The following SNX29 variants were observed in gnomAD, a reference collection of about 807,000 sequenced individuals.
SNX29 encodes the protein sorting nexin-29.
Under a neutral mutation model 102.1 loss-of-function variants are expected in SNX29, and 78 were observed. The ratio of observed to expected loss-of-function variants is 0.76; its 90% CI spans 0.64 to 0.92. SNX29 has a LOEUF of 0.92. SNX29 is among the 40% of genes least tolerant of loss of function. SNX29 has a pLI of 0.00. For synonymous variants in SNX29, 580 were observed against 414.5 expected (o/e 1.40, Z -4.85); for missense variants, 1,280 against 1,061.7 (o/e 1.21, Z -2.86).
intron 14 of SNX29, among the ~76,000 whole-genome samples, chr16:12,217,178 T>C (rs573404199): frequency 3.9e-5 from 6 of 152,264 alleles, no homozygotes; most frequent in African/African-American, 1.4e-4. Flanking sequence ...ATAGCACACC[T>C]GGATAATTTT....
rs147401267 is a variant in SNX29 at position 12,571,075 on chromosome 16, T to C, written c.*2446T>C. 4,073 of 232,614 alleles carry C rather than the reference T, an allele frequency of 0.018. 45 individuals carry two copies. Among genetic ancestry groups the C allele is most frequent in the Non-Finnish European group, 0.025 (2,915 of 117,648 alleles). 14.4% of individuals were successfully genotyped at this position (232,614 alleles called of 1,614,324 possible). A position where few individuals can be genotyped will look rare whatever the true frequency, so the allele number is the denominator to read the frequency against. ...TCTAAAAATGCTGGTGGCCCGCACA[T>C]GACAGCAACTCCCCGAAGCCTTCCC... is the stretch of plus-strand genomic sequence containing the variant. On this transcript the variant is annotated 3_prime_UTR_variant, in exon 21 of 21. Coordinates refer to ENST00000566228, the MANE Select transcript of SNX29 (RefSeq NM_032167.5).
intron 13 of SNX29, among the ~76,000 whole-genome samples, chr16:12,173,361 A>G (rs1567277212): frequency 6.6e-6 from 1 of 152,326 alleles, no homozygotes; most frequent in East Asian, 1.9e-4. Flanking sequence ...AGAATGACCC[A>G]GTTTGTGTGA....
intron 13 of SNX29, among the ~76,000 whole-genome samples, chr16:12,139,919 T>C (rs977837777): frequency 2.3e-5 from 3 of 132,764 alleles, no homozygotes; most frequent in African/African-American, 8.7e-5. Flanking sequence ...AGGTCAAGGC[T>C]GCAGTGAGCT....
At chr16:12,498,839 T>C (rs1254940097) in intron 19 of SNX29, among the ~76,000 whole-genome samples, 3 of 152,184 alleles carry the variant, frequency 2.0e-5, no homozygotes. Flanking sequence ...GTAAAATTGC[T>C]CAGTTCTGCT....
At chr16:12,522,725 A>G (rs1459754712) in intron 19 of SNX29, among the ~76,000 whole-genome samples, 1 of 152,122 alleles carries the variant, frequency 6.6e-6, no homozygotes, top group African/African-American at 2.4e-5. Context: ...ATCCCCCACC[A>G]TGTTTCCTGT....
At position 12,573,020 on chromosome 16, in the gene SNX29, T is replaced by G; in HGVS notation, c.*4391T>G. The G allele has an allele frequency of 3.5e-6, 1 of 285,350 alleles. No homozygotes were observed. Among genetic ancestry groups the G allele is most frequent in the Non-Finnish European group, 6.0e-6 (1 of 166,688 alleles). 17.7% of individuals were successfully genotyped at this position (285,350 alleles called of 1,614,324 possible). On this transcript the variant is annotated 3_prime_UTR_variant, in exon 21 of 21. Coordinates refer to ENST00000566228, the MANE Select transcript of SNX29 (RefSeq NM_032167.5). ...AGCTACTGTTAAATATTTGCTGTTT[T>G]TAGATTGGCGTCCGTGCTAATTCTG... is the stretch of plus-strand genomic sequence containing the variant.
intron 20 of SNX29, chr16:12,545,351 C>T (rs1047147048): frequency 3.2e-4 from 48 of 152,300 alleles, no homozygotes; most frequent in African/African-American, 1.1e-3. Flanking sequence ...GTTCCAAGTA[C>T]ATACAGAGTG....
Position 12,187,138 on chromosome 16 carries a change from G to A in SNX29, c.1596-12463G>A, listed in dbSNP as rs577665772. Among the ~76,000 whole-genome samples, 8 of 152,354 alleles carry A rather than the reference G, an allele frequency of 5.3e-5. No individual in the cohort carries two copies. In the East Asian group the frequency reaches 1.5e-3, roughly 29 times the overall value. ...CCTGTCTGCCTGGTTTTGAGTCCTG[G>A]ACAATGGGCACACATTCTCTACTTT... is the stretch of plus-strand genomic sequence containing the variant. On this transcript the variant is annotated intron_variant, in intron 13 of 20. Coordinates refer to ENST00000566228, the MANE Select transcript of SNX29 (RefSeq NM_032167.5).
At chr16:12,008,658 G>A (rs751181423) in intron 3 of SNX29, among the ~76,000 whole-genome samples, 1 of 151,828 alleles carries the variant, frequency 6.6e-6, no homozygotes, top group African/African-American at 2.4e-5. Context: ...TTAAAAGAGT[G>A]TGCAGATATC....
chr16:12,247,040 G>A lies in SNX29; in HGVS notation c.1679-30893G>A, dbSNP rs573834438. ...GGGAGCAGGGCCTTGTAGGTCCCTGGAAAGGTTTGATCTTTATCCTAAGAA... is the reference window on the plus strand; with the variant it reads ...GGGAGCAGGGCCTTGTAGGTCCCTGAAAAGGTTTGATCTTTATCCTAAGAA... On this transcript the variant is annotated intron_variant, in intron 14 of 20. Transcript: ENST00000566228. 3.9e-5 allele frequency among the ~76,000 whole-genome samples: 6 copies of A among 152,286 alleles called. No individual in the cohort carries two copies. The East Asian group carries it at 9.7e-4, about 25-fold the overall frequency.
chr16:12,372,892 A>T (rs1401201690), intron 16 of SNX29: 4 of 152,004 alleles, frequency 2.6e-5, no homozygotes, highest in Admixed American at 2.6e-4. Flanking sequence ...TGTCATTTAC[A>T]CTCCTACCTG....
chr16:12,115,182 T>G (rs1398962779), intron 11 of SNX29, among the ~76,000 whole-genome samples: 3 of 152,124 alleles, frequency 2.0e-5, no homozygotes, highest in African/African-American at 7.2e-5. Context: ...CTCCGTTGCT[T>G]TTTCCTTCAG....
intron 20 of SNX29, chr16:12,546,716 T>A (rs2077627654): frequency 6.6e-6 from 1 of 152,182 alleles, no homozygotes; most frequent in Non-Finnish European, 1.5e-5. Context: ...GCTATTATTT[T>A]GACTAGAAAA....
intron 19 of SNX29, among the ~76,000 whole-genome samples, chr16:12,509,504 G>C (rs2089515793): frequency 6.6e-6 from 1 of 152,232 alleles, no homozygotes; most frequent in Non-Finnish European, 1.5e-5. Flanking sequence ...TTTCAGGGCA[G>C]AACATGTCGG....
intron 16 of SNX29, among the ~76,000 whole-genome samples, chr16:12,358,198 C>T (rs537314202): frequency 2.0e-4 from 30 of 152,086 alleles, no homozygotes; most frequent in Admixed American, 1.8e-3. Flanking sequence ...TATTAACCCC[C>T]TGTTTGTGTG....
At chr16:12,237,790 C>T (rs1275846344) in intron 14 of SNX29, among the ~76,000 whole-genome samples, 1 of 152,194 alleles carries the variant, frequency 6.6e-6, no homozygotes, top group Non-Finnish European at 1.5e-5. Flanking sequence ...TGCCTGTAAT[C>T]CCAGCTACTT....
At chr16:12,528,273 C>G (rs964387810) in intron 20 of SNX29, among the ~76,000 whole-genome samples, 2 of 152,160 alleles carry the variant, frequency 1.3e-5, no homozygotes, top group African/African-American at 4.8e-5. Flanking sequence ...AATCTTGGCT[C>G]ACTGCAACCT....
intron 11 of SNX29, among the ~76,000 whole-genome samples, chr16:12,086,009 C>CTTTT (rs34239419): frequency 3.4e-5 from 4 of 117,360 alleles, no homozygotes; most frequent in Admixed American, 9.0e-5. Context: ...CTTGCCAATT[C>CTTTT]TTTTTTTTTT....
At chr16:12,167,850 A>G (rs2141719008) in intron 13 of SNX29, among the ~76,000 whole-genome samples, 1 of 152,334 alleles carries the variant, frequency 6.6e-6, no homozygotes, top group African/African-American at 2.4e-5. Flanking sequence ...GTGTTATTGT[A>G]ACCCATTTGT....
Sources: gnomAD v4.1 joint callset for allele counts (sites outside exome capture counted in the v4.1 genomes callset) on GRCh38, gnomAD v4.1.1 for gene constraint, MANE v1.5 for transcripts, NCBI Gene and HGNC (gene_info 2026-07-23, HGNC 2026-07-21) for gene names.